The following ICA1L variants were observed in gnomAD, a reference collection of about 807,000 sequenced individuals.
ICA1L encodes islet cell autoantigen 1-like protein.
Under a neutral mutation model 61.3 loss-of-function variants are expected in ICA1L, and 50 were observed. The observed-to-expected ratio is 0.82, with a 90% CI of 0.65 to 1.03. ICA1L has a LOEUF of 1.03. ICA1L is among the 50% of genes least tolerant of loss of function. The probability of loss-of-function intolerance (pLI) is 0.00; values close to 1 mark genes in which losing one functional copy is unlikely to be tolerated. For synonymous variants in ICA1L, 161 were observed against 191.3 expected, an observed-to-expected ratio of 0.84 and a Z score of 1.31; for missense variants, 508 against 556.7, an observed-to-expected ratio of 0.91 and a Z score of 0.88.
At chr2:202,868,137 G>T (rs543245786) in intron 1 of ICA1L, among the ~76,000 whole-genome samples, 1 of 151,762 alleles carries the variant, frequency 6.6e-6, no homozygotes, top group Non-Finnish European at 1.5e-5. Context: ...TGTACACTTC[G>T]AAACGGTTGT....
intron 1 of ICA1L, among the ~76,000 whole-genome samples, chr2:202,844,821 T>C (rs1251122912): frequency 2.0e-5 from 3 of 152,216 alleles, no homozygotes; most frequent in African/African-American, 7.2e-5. Flanking sequence ...CTTAGTAACT[T>C]ACAACAAAAT....
At position 202,800,232 on chromosome 2, in the gene ICA1L, A is replaced by G. The variant is rs142102317; in HGVS notation, c.911-3268T>C. 1.8e-3 allele frequency among the ~76,000 whole-genome samples: 272 copies of G among 152,104 alleles called. 2 individuals are homozygous for G. Among genetic ancestry groups the G allele is most frequent in the African/African-American group, 6.2e-3 (256 of 41,500 alleles). On this transcript the variant is annotated intron_variant, in intron 9 of 12. Transcript: ENST00000358299. ...CCATAGCAATAAGCAGCATCTCCAC[A>G]TTTTTCACTTAAACTAGAGCTTGAC...
intron 1 of ICA1L, among the ~76,000 whole-genome samples, chr2:202,840,045 CCAT>C (rs1271134034): frequency 6.8e-6 from 1 of 147,536 alleles, no homozygotes; most frequent in East Asian, 2.0e-4. Context: ...ATTATTGTAG[CCAT>C]TATTATTATT....
chr2:202,789,306 A>G (rs898400422), intron 10 of ICA1L, among the ~76,000 whole-genome samples: 1 of 152,214 alleles, frequency 6.6e-6, no homozygotes, highest in African/African-American at 2.4e-5. Context: ...AACCATTATG[A>G]ATGCTATATA....
chr2:202,779,179 C>CT lies in ICA1L; in HGVS notation c.*353dup. The stretch of plus-strand genomic sequence containing the variant: ...AAAATTCTCACAGCCAGCAAGGCAA[C>CT]TTAAAAGGGTTTCCAAAGAAATAAG... On this transcript the variant is annotated 3_prime_UTR_variant, in exon 13 of 13. Transcript: ENST00000358299. The CT allele has an allele frequency of 5.6e-6, 1 of 178,776 alleles. No individual in the cohort carries two copies. 11.1% of individuals were successfully genotyped at this position (178,776 alleles called of 1,614,324 possible). A position where few individuals can be genotyped will look rare whatever the true frequency, so the allele number is the denominator to read the frequency against.
In ICA1L at chr2:202,811,756, C is replaced by G. The variant is rs1216093511; in HGVS notation, c.900G>C (p.Glu300Asp). The G allele has an allele frequency of 1.9e-6, 3 of 1,604,926 alleles. No individual in the cohort carries two copies. The South Asian group carries it at 3.3e-5, about 18-fold the overall frequency. ...LVLSDEEASF[E>D]SEQANKDHNE... ...AATTTACCATCTTACCTTGTTCACT[C>G]TCAAAGCTTGCTTCCTCATCAGACA... The change falls in exon 9 of 13, where the codon GAG (glutamate) becomes GAC (aspartate). Residue 300 changes from glutamate (E) to aspartate (D), a missense_variant. Glu to Asp is a conservative substitution (Grantham distance 45). Transcript: ENST00000358299.
intron 9 of ICA1L, among the ~76,000 whole-genome samples, chr2:202,807,095 C>T (rs533232858): frequency 2.6e-5 from 4 of 152,302 alleles, no homozygotes; most frequent in African/African-American, 9.6e-5. Context: ...CCCTGTACCC[C>T]ACAGGAACAA....
intron 1 of ICA1L, among the ~76,000 whole-genome samples, chr2:202,865,798 A>C (rs973048906): frequency 4.0e-5 from 6 of 151,858 alleles, no homozygotes; most frequent in African/African-American, 1.5e-4. Context: ...GTGAAATTTT[A>C]TTTTTTTTGG....
chr2:202,829,376 C>CA lies in ICA1L; in HGVS notation c.-7-361dup, dbSNP rs1443354203. The CA allele has an allele frequency of 5.4e-4, 85 of 156,420 alleles. No homozygotes were observed. The East Asian group carries it at 6.7e-3, about 12-fold the overall frequency. The allele number at this position is 156,420 out of a possible 1,614,324, so 9.7% of individuals were successfully genotyped here. ...AAAACAAAAACAAAAAACAAACAAA[C>CA]AAAAAAACCAAAAAAAACTCAATAA... On this transcript the variant is annotated intron_variant, in intron 1 of 12. Coordinates refer to ENST00000358299, the MANE Select transcript of ICA1L (RefSeq NM_001288622.3).
chr2:202,777,044 C>CTTTTTT lies in ICA1L; in HGVS notation c.*2483_*2488dup, dbSNP rs562230381. 1.9e-4 allele frequency: 13 copies of CTTTTTT among 68,586 alleles called. 1 individual carries two copies. Among genetic ancestry groups the CTTTTTT allele is most frequent in the African/African-American group, 3.3e-4 (5 of 15,268 alleles). The allele number at this position is 68,586 out of a possible 1,614,324, so 4.2% of individuals were successfully genotyped here. On this transcript the variant is annotated 3_prime_UTR_variant, in exon 13 of 13. Coordinates refer to ENST00000358299, the MANE Select transcript of ICA1L (RefSeq NM_001288622.3). ...ACAAACTCTCAAGACATAAAGTTAG[C>CTTTTTT]TTTTTTTTTTTTTTTTTTTTTTTTT...
intron 1 of ICA1L, 37 bp from the exon 2 acceptor site, chr2:202,829,053 A>T: frequency 6.7e-7 from 1 of 1,496,156 alleles, no homozygotes; most frequent in Non-Finnish European, 8.9e-7. Context: ...TTCTTTTAAA[A>T]ATTCTCAATA....
At chr2:202,831,813 C>T (rs1694020928) in intron 1 of ICA1L, among the ~76,000 whole-genome samples, 1 of 152,196 alleles carries the variant, frequency 6.6e-6, no homozygotes, top group African/African-American at 2.4e-5. Flanking sequence ...TGACCAAGGG[C>T]ACTGCTAAAT....
chr2:202,809,901 A>G (rs1669520879), intron 9 of ICA1L, among the ~76,000 whole-genome samples: 1 of 152,160 alleles, frequency 6.6e-6, no homozygotes, highest in Admixed American at 6.5e-5. Flanking sequence ...GGAGGTAGAG[A>G]AAGAGATGGG....
chr2:202,820,818 G>C (rs2105851708), intron 4 of ICA1L, among the ~76,000 whole-genome samples: 1 of 152,304 alleles, frequency 6.6e-6, no homozygotes, highest in East Asian at 1.9e-4. Context: ...TTATAGGTCT[G>C]ATAAGGACTG....
chr2:202,829,133 G>A (rs1310759714), intron 1 of ICA1L, 117 bp from the exon 2 acceptor site: 6 of 700,350 alleles, frequency 8.6e-6, no homozygotes, highest in South Asian at 2.1e-5. Flanking sequence ...CGGATCACGC[G>A]GTCATGAGAT....
chr2:202,852,406 T>C (rs1382937174), intron 1 of ICA1L, among the ~76,000 whole-genome samples: 1 of 151,850 alleles, frequency 6.6e-6, no homozygotes, highest in African/African-American at 2.4e-5. Context: ...TGCGGTGGCT[T>C]ACACCTGTAA....
At chr2:202,818,875 A>G (rs868368373) in intron 5 of ICA1L, among the ~76,000 whole-genome samples, 1 of 152,230 alleles carries the variant, frequency 6.6e-6, no homozygotes, top group African/African-American at 2.4e-5. Flanking sequence ...TCTTTTAAAA[A>G]TTGAGGTGAA....
At chr2:202,786,752 A>ATT (rs57934594) in intron 11 of ICA1L, 6,383 of 422,618 alleles carry the variant, frequency 0.015, 60 homozygotes, top group African/African-American at 0.05. Flanking sequence ...TACATGCATG[A>ATT]TTTTTTTTTT....
At chr2:202,841,512 C>T (rs181970871) in intron 1 of ICA1L, 142 of 738,020 alleles carry the variant, frequency 1.9e-4, no homozygotes, top group African/African-American at 8.4e-4. Flanking sequence ...TGGGTGCACA[C>T]GGCCTGGATG....
Sources: allele counts gnomAD v4.1 joint callset (sites outside exome capture counted in the v4.1 genomes callset), GRCh38; gene constraint gnomAD v4.1.1; transcripts MANE v1.5; gene names NCBI Gene and HGNC (gene_info 2026-07-23, HGNC 2026-07-21).